The following GPATCH2L variants were observed in gnomAD, a reference collection of about 807,000 sequenced individuals.
GPATCH2L encodes G-patch domain containing 2 like.
GPATCH2L carries 31 observed loss-of-function variants against 57.4 expected under a neutral mutation model. The ratio of observed to expected loss-of-function variants is 0.54; its 90% CI spans 0.41 to 0.73. The LOEUF is 0.73. Among genes scored for constraint, GPATCH2L ranks in the 30% least tolerant of loss-of-function variants. The pLI, the probability that GPATCH2L is intolerant of heterozygous loss-of-function variation, is 0.00. For synonymous variants in GPATCH2L, 199 were observed against 210.7 expected (o/e 0.94, Z 0.48); for missense variants, 481 against 599.9 (o/e 0.80, Z 2.07).
Position 76,202,305 on chromosome 14 carries a change from C to G in GPATCH2L, c.*454C>G, listed in dbSNP as rs1300466712. ...GTTGAGACCTGTATGGAATTGTGTT[C>G]GCAGGAGATAAGGCTTGCCTTTGAG... On this transcript the variant is annotated 3_prime_UTR_variant, in exon 10 of 10. Transcript: ENST00000261530. 6.5e-6 allele frequency: 1 copy of G among 153,098 alleles called. No homozygotes were observed. The highest frequency in any genetic ancestry group is 1.5e-5 in the Non-Finnish European group (1 of 68,456). 9.5% of individuals were successfully genotyped at this position (153,098 alleles called of 1,614,324 possible).
At chr14:76,222,908 A>C (rs1459966811) in intron 1 of GPATCH2L, among the ~76,000 whole-genome samples, 1 of 151,318 alleles carries the variant, frequency 6.6e-6, no homozygotes, top group Non-Finnish European at 1.5e-5. Flanking sequence ...GTGAGCCGAG[A>C]TCGCACCACT....
At chr14:76,222,817 G>T (rs577718628) in intron 1 of GPATCH2L, among the ~76,000 whole-genome samples, 1 of 151,890 alleles carries the variant, frequency 6.6e-6, no homozygotes, top group African/African-American at 2.4e-5. Flanking sequence ...TTAGCTGGTC[G>T]TGGTGGCATG....
At chr14:76,187,505 T>C (rs1275698654) in intron 8 of GPATCH2L, among the ~76,000 whole-genome samples, 1 of 152,132 alleles carries the variant, frequency 6.6e-6, no homozygotes, top group Admixed American at 6.6e-5. Flanking sequence ...TCAAATTTTT[T>C]CCTGGTGTTA....
chr14:76,196,437 GT>G (rs78248589), intron 9 of GPATCH2L: 1,978 of 129,482 alleles, frequency 0.015, 5 homozygotes, highest in South Asian at 0.058. Context: ...AAACTTTTCA[GT>G]TTTTTTTTTT....
rs1367191947 is a variant in GPATCH2L at position 76,163,348 on chromosome 14, A to G, written c.663-3315A>G. 3.3e-5 allele frequency among the ~76,000 whole-genome samples: 5 copies of G among 152,198 alleles called. 1 individual carries two copies. Among genetic ancestry groups the G allele is most frequent in the South Asian group, 2.1e-4 (1 of 4,820 alleles). On this transcript the variant is annotated intron_variant, in intron 2 of 9. Coordinates refer to ENST00000261530, the MANE Select transcript of GPATCH2L (RefSeq NM_017926.4). The stretch of plus-strand genomic sequence containing the variant: ...GTGAGTGATATTTTTGGTATCATTA[A>G]TAATAGCCTTCTGTATTAATAATTT...
chr14:76,229,871 G>C (rs2040553061), exon 2 of GPATCH2L: 1 of 152,250 alleles, frequency 6.6e-6, no homozygotes, highest in Non-Finnish European at 1.5e-5. Context: ...CAGCGAGAGT[G>C]CCCTGACAAG....
intron 8 of GPATCH2L, among the ~76,000 whole-genome samples, chr14:76,193,129 A>G (rs1350227417): frequency 6.6e-6 from 1 of 152,210 alleles, no homozygotes; most frequent in African/African-American, 2.4e-5. Context: ...ATAATAGGTA[A>G]GTAATACTTA....
chr14:76,186,310 G>T (rs540578737), intron 8 of GPATCH2L, among the ~76,000 whole-genome samples: 9 of 152,244 alleles, frequency 5.9e-5, no homozygotes, highest in African/African-American at 2.2e-4. Context: ...GATAGGCTGA[G>T]CTCATTTGTA....
At chr14:76,185,223 GT>G in intron 8 of GPATCH2L, among the ~76,000 whole-genome samples, 2 of 152,304 alleles carry the variant, frequency 1.3e-5, no homozygotes, top group South Asian at 4.1e-4. Context: ...TGGTTTGGTT[GT>G]TTTGGTTGCT....
chr14:76,217,180 T>C (rs1230989151), downstream of GPATCH2L, among the ~76,000 whole-genome samples: 1 of 152,170 alleles, frequency 6.6e-6, no homozygotes, highest in Non-Finnish European at 1.5e-5. Flanking sequence ...AGGCCTAGTT[T>C]TGGACTGCTG....
chr14:76,164,257 G>C (rs1467838288), intron 2 of GPATCH2L, among the ~76,000 whole-genome samples: 2 of 152,100 alleles, frequency 1.3e-5, no homozygotes, highest in Non-Finnish European at 2.9e-5. Context: ...CCATAGATCA[G>C]GGTTCTCAAC....
chr14:76,184,298 A>G (rs963558778), intron 8 of GPATCH2L, among the ~76,000 whole-genome samples: 3 of 152,052 alleles, frequency 2.0e-5, no homozygotes, highest in Non-Finnish European at 4.4e-5. Flanking sequence ...TCACATGCCT[A>G]TAATTACTCT....
At chr14:76,229,993 T>G (rs2040553525) in intron 2 of GPATCH2L, 1 of 152,222 alleles carries the variant, frequency 6.6e-6, no homozygotes, top group African/African-American at 2.4e-5. Context: ...AGTTATAGTC[T>G]ATTGCCTATA....
chr14:76,231,641 A>ACACACG (rs1391826722), intron 2 of GPATCH2L, among the ~76,000 whole-genome samples: 1 of 151,576 alleles, frequency 6.6e-6, no homozygotes, highest in Non-Finnish European at 1.5e-5. Flanking sequence ...ACACACACAC[A>ACACACG]CACACACACT....
chr14:76,219,005 CAAAA>C (rs572896740), downstream of GPATCH2L, among the ~76,000 whole-genome samples: 9 of 73,780 alleles, frequency 1.2e-4, no homozygotes, highest in African/African-American at 2.2e-4. Context: ...TCTAAAAGTA[CAAAA>C]AAAAAAAAAA....
At chr14:76,195,078 T>C (rs1462929768) in intron 8 of GPATCH2L, among the ~76,000 whole-genome samples, 2 of 152,146 alleles carry the variant, frequency 1.3e-5, no homozygotes, top group Non-Finnish European at 2.9e-5. Flanking sequence ...AGGAACACTT[T>C]GTGTAAAGGT....
At chr14:76,175,114 A>G (rs1363253151) in intron 5 of GPATCH2L, 1 of 152,166 alleles carries the variant, frequency 6.6e-6, no homozygotes, top group Non-Finnish European at 1.5e-5. Context: ...TTTATTGTTT[A>G]GGCTTGACAG....
chr14:76,160,058 C>T (rs1349889346), intron 2 of GPATCH2L, among the ~76,000 whole-genome samples: 3 of 151,642 alleles, frequency 2.0e-5, no homozygotes, highest in African/African-American at 4.9e-5. Flanking sequence ...GGTGTGAACC[C>T]GGGAGGCGGA....
At position 76,171,918 on chromosome 14, in the gene GPATCH2L, A is replaced by G. The variant is rs150429181; in HGVS notation, c.803A>G (p.Lys268Arg). 2.5e-4 allele frequency: 398 copies of G among 1,607,866 alleles called. 1 individual carries two copies. Among genetic ancestry groups the G allele is most frequent in the Non-Finnish European group, 3.1e-4 (367 of 1,174,764 alleles). Residue 268 changes from lysine to arginine, a missense_variant, in exon 4 of 10, where the codon AAG becomes AGG. Lys to Arg is a conservative substitution (Grantham distance 26). Coordinates refer to ENST00000261530, the MANE Select transcript of GPATCH2L (RefSeq NM_017926.4). ...PGFTVPNLLP[K>R]WAPDHCSEVE... ...TTCACTGTCCCTAATCTTCTGCCCA[A>G]GTGGGCTCCTGATCATTGTTCTGAA...
Sources: gnomAD v4.1 joint callset for allele counts (sites outside exome capture counted in the v4.1 genomes callset) on GRCh38, gnomAD v4.1.1 for gene constraint, MANE v1.5 for transcripts, NCBI Gene and HGNC (gene_info 2026-07-23, HGNC 2026-07-21) for gene names.